The following SLC25A31 variants were observed in gnomAD, a reference collection of about 807,000 sequenced individuals.
SLC25A31 encodes the protein ADP/ATP translocase 4.
Under a neutral mutation model 36.2 loss-of-function variants are expected in SLC25A31, and 40 were observed. The ratio of observed to expected loss-of-function variants is 1.10; its 90% CI spans 0.86 to 1.44. The LOEUF is 1.44. Among genes scored for constraint, SLC25A31 ranks in the 40% most tolerant of loss-of-function variants. SLC25A31 has a pLI of 0.00. For missense variants in SLC25A31, 350 were observed against 397.1 expected (o/e 0.88, Z 1.01); for synonymous variants, 143 against 149.7 (o/e 0.96, Z 0.32).
At chr4:127,738,047 T>G (rs1351063364) in intron 1 of SLC25A31, among the ~76,000 whole-genome samples, 7 of 152,130 alleles carry the variant, frequency 4.6e-5, no homozygotes, top group Admixed American at 3.9e-4. Context: ...ACCAGCTTAT[T>G]AGTTTTTTCC....
At chr4:127,732,201 A>G (rs1167520255) in intron 1 of SLC25A31, among the ~76,000 whole-genome samples, 1 of 152,228 alleles carries the variant, frequency 6.6e-6, no homozygotes, top group Non-Finnish European at 1.5e-5. Context: ...CTTCAACTCC[A>G]GTGCAGACCT....
intron 2 of SLC25A31, among the ~76,000 whole-genome samples, chr4:127,757,758 C>T (rs531645447): frequency 2.0e-4 from 30 of 152,260 alleles, no homozygotes; most frequent in Non-Finnish European, 3.7e-4. Context: ...AATGTATAAG[C>T]ATTCCCTTTT....
chr4:127,752,898 A>G (rs1163278840), intron 2 of SLC25A31, among the ~76,000 whole-genome samples: 2 of 152,232 alleles, frequency 1.3e-5, no homozygotes, highest in Non-Finnish European at 2.9e-5. Context: ...AAATAGATCT[A>G]ACAGATATAT....
rs1314858033 is a variant in SLC25A31, at chr4:127,773,768, C to T, written c.*194C>T. ...AATGTGGATTTTCCTCCCACTTAGACTCAAACACATTTTAGTGTGATATTT... is the reference window on the plus strand; with the variant it reads ...AATGTGGATTTTCCTCCCACTTAGATTCAAACACATTTTAGTGTGATATTT... On this transcript the variant is annotated 3_prime_UTR_variant, in exon 6 of 6. Coordinates refer to ENST00000281154, the MANE Select transcript of SLC25A31 (RefSeq NM_031291.4). 2.4e-6 allele frequency: 1 copy of T among 423,516 alleles called. No individual in the cohort carries two copies. Among genetic ancestry groups the T allele is most frequent in the South Asian group, 7.7e-5 (1 of 13,018 alleles). The allele number at this position is 423,516 out of a possible 1,614,324, so 26.2% of individuals were successfully genotyped here. A position where few individuals can be genotyped will look rare whatever the true frequency, so the allele number is the denominator to read the frequency against.
chr4:127,763,143 A>G (rs1732175017), intron 2 of SLC25A31, among the ~76,000 whole-genome samples: 1 of 152,118 alleles, frequency 6.6e-6, no homozygotes, highest in East Asian at 1.9e-4. Context: ...TGTATTGGTC[A>G]TGGGATTCAA....
chr4:127,746,766 C>T (rs1560633863), intron 2 of SLC25A31, among the ~76,000 whole-genome samples: 1 of 152,120 alleles, frequency 6.6e-6, no homozygotes, highest in Non-Finnish European at 1.5e-5. Context: ...TGCAGAAGCT[C>T]TTAAGTTTAA....
chr4:127,737,880 C>A (rs562907274), intron 1 of SLC25A31, among the ~76,000 whole-genome samples: 2 of 152,104 alleles, frequency 1.3e-5, no homozygotes, highest in East Asian at 3.9e-4. Flanking sequence ...GTATTATACT[C>A]ATTTTTTATA....
At chr4:127,764,402 T>A in intron 3 of SLC25A31, 42 bp downstream of exon 3, 1 of 1,493,826 alleles carries the variant, frequency 6.7e-7, no homozygotes, top group Non-Finnish European at 9.3e-7. Flanking sequence ...TTCTTTGCAT[T>A]TTGAACCATC....
chr4:127,764,532 T>TA (rs1175186573), intron 3 of SLC25A31, among the ~76,000 whole-genome samples, 172 bp downstream of exon 3: 1 of 152,126 alleles, frequency 6.6e-6, no homozygotes, highest in Non-Finnish European at 1.5e-5. Context: ...TCTTTTCCCT[T>TA]AAAAAAGGGA....
chr4:127,744,932 T>C (rs1187834092), intron 2 of SLC25A31, 133 bp downstream of exon 2: 1 of 642,934 alleles, frequency 1.6e-6, no homozygotes, highest in Non-Finnish European at 2.3e-6. Context: ...GTCTTAACTG[T>C]GATGTTTTAT....
At chr4:127,753,559 G>A (rs1731975542) in intron 2 of SLC25A31, among the ~76,000 whole-genome samples, 1 of 152,086 alleles carries the variant, frequency 6.6e-6, no homozygotes, top group South Asian at 2.1e-4. Context: ...AAATTTATAT[G>A]CCAAGTAATT....
chr4:127,751,846 A>G (rs1731939376), intron 2 of SLC25A31, among the ~76,000 whole-genome samples: 1 of 152,282 alleles, frequency 6.6e-6, no homozygotes, highest in South Asian at 2.1e-4. Context: ...CATCAGAGAA[A>G]TGCAAATCAA....
rs749740219 is a variant in SLC25A31 at position 127,773,794 on chromosome 4, CATTT to C, written c.*224_*227del. ...TCAAACACATTTTAGTGTGATATTT[CATTT>C]ATTATAGGTAGTATATTTTAATTTG... On this transcript the variant is annotated 3_prime_UTR_variant, in exon 6 of 6. Transcript: ENST00000281154. 2.7e-6 allele frequency: 1 copy of C among 370,862 alleles called. No homozygotes were observed. The highest frequency in any genetic ancestry group is 4.2e-5 in the East Asian group (1 of 23,734). 23.0% of individuals were successfully genotyped at this position (370,862 alleles called of 1,614,324 possible). A position where few individuals can be genotyped will look rare whatever the true frequency, so the allele number is the denominator to read the frequency against.
chr4:127,746,978 A>G (rs1321480818), intron 2 of SLC25A31, among the ~76,000 whole-genome samples: 1 of 151,984 alleles, frequency 6.6e-6, no homozygotes, highest in Non-Finnish European at 1.5e-5. Context: ...TCCAGCTTTA[A>G]TCTTCTGTAT....
chr4:127,743,031 G>T (rs1731759808), intron 1 of SLC25A31, among the ~76,000 whole-genome samples: 1 of 151,706 alleles, frequency 6.6e-6, no homozygotes, highest in African/African-American at 2.4e-5. Context: ...TGTTTCTCCA[G>T]AAATCCAAGC....
At chr4:127,738,491 A>AT in intron 1 of SLC25A31, among the ~76,000 whole-genome samples, 1 of 152,128 alleles carries the variant, frequency 6.6e-6, no homozygotes, top group South Asian at 2.1e-4. Flanking sequence ...TATAATTTCT[A>AT]TTTTTTTGTA....
intron 2 of SLC25A31, among the ~76,000 whole-genome samples, chr4:127,761,990 A>G (rs1248043934): frequency 6.6e-6 from 1 of 152,224 alleles, no homozygotes; most frequent in East Asian, 1.9e-4. Context: ...GTATGATGAG[A>G]CATGCTGCTT....
At chr4:127,749,243 T>C (rs1731879119) in intron 2 of SLC25A31, among the ~76,000 whole-genome samples, 1 of 151,954 alleles carries the variant, frequency 6.6e-6, no homozygotes, top group African/African-American at 2.4e-5. Context: ...GAAAAAAATA[T>C]AAAGACTGAA....
At chr4:127,731,466 G>T (rs1731524574) in intron 1 of SLC25A31, among the ~76,000 whole-genome samples, 1 of 152,120 alleles carries the variant, frequency 6.6e-6, no homozygotes, top group Non-Finnish European at 1.5e-5. Flanking sequence ...ACTTTGGAAG[G>T]CCGAGGCGGG....
Sources: gnomAD v4.1 joint callset for allele counts (sites outside exome capture counted in the v4.1 genomes callset) on GRCh38, gnomAD v4.1.1 for gene constraint, MANE v1.5 for transcripts, NCBI Gene and HGNC (gene_info 2026-07-23, HGNC 2026-07-21) for gene names.